Variants in MANSC4 observed in about 807,000 individuals in gnomAD.
MANSC4 encodes the protein MANSC domain-containing protein 4.
Under a neutral mutation model 11.4 loss-of-function variants are expected in MANSC4, and 11 were observed. That is an observed-to-expected ratio of 0.97 (90% CI 0.61 to 1.60). The LOEUF (loss-of-function observed/expected upper bound fraction) is 1.60, where lower values mean the gene tolerates loss of function less well. Ranked by LOEUF, MANSC4 falls within the 40% of genes most tolerant of loss-of-function variation. The pLI, the probability that MANSC4 is intolerant of heterozygous loss-of-function variation, is 0.00. For missense variants in MANSC4, 354 were observed against 404.6 expected, an observed-to-expected ratio of 0.88 and a Z score of 1.07; for synonymous variants, 123 against 147.1, an observed-to-expected ratio of 0.84 and a Z score of 1.19.
Position 27,762,750 on chromosome 12 carries a change from C to A in MANSC4, c.1011G>T (p.Glu337Asp). Residue 337 changes from glutamate to aspartate, a missense_variant, in exon 4 of 4, where the codon GAG becomes GAT. Coordinates refer to ENST00000381273, the MANE Select transcript of MANSC4 (RefSeq NM_001146221.5). ...GCTACAGTTTTTACTATGAAGAGTT[C>A]TCCTTCATATGGTTACGGTTTTTAA... ...LQIKNRNHMK[E>D]NSS The A allele has an allele frequency of 1.3e-6, 2 of 1,529,822 alleles. No individual in the cohort carries two copies. Among genetic ancestry groups the A allele is most frequent in the South Asian group, 1.2e-5 (1 of 80,366 alleles). The allele number at this position is 1,529,822 out of a possible 1,614,324, so 94.8% of individuals were successfully genotyped here.
intron 1 of MANSC4, among the ~76,000 whole-genome samples, chr12:27,774,412 GT>G (rs140569800): frequency 0.046 from 6,972 of 151,928 alleles, 517 homozygotes; most frequent in African/African-American, 0.16. Flanking sequence ...AAACTTAAAT[GT>G]TTTTTCTTTA....
intron 1 of MANSC4, among the ~76,000 whole-genome samples, chr12:27,773,404 A>G (rs1034032869): frequency 6.6e-6 from 1 of 150,928 alleles, no homozygotes; most frequent in African/African-American, 2.5e-5. Context: ...ATCCATAACA[A>G]TCTCAAAACT....
At chr12:27,763,425 T>C in intron 3 of MANSC4, 29 bp from the exon 4 acceptor site, 1 of 1,503,782 alleles carries the variant, frequency 6.6e-7, no homozygotes, top group Non-Finnish European at 8.9e-7. Context: ...ATCATTCATT[T>C]TATTTTTACT....
Position 27,771,397 on chromosome 12 carries a change from T to A in MANSC4, c.-121A>T. 2.5e-6 allele frequency: 2 copies of A among 813,132 alleles called. No homozygotes were observed. Among genetic ancestry groups the A allele is most frequent in the Non-Finnish European group, 3.8e-6 (2 of 525,428 alleles). The allele number at this position is 813,132 out of a possible 1,614,324, so 50.4% of individuals were successfully genotyped here. ...TGTTAAGGGAGAGCTTCCTTGCAGC[T>A]TTTCTGGAGAGTCACTTTCTAGCAA... On this transcript the variant is annotated 5_prime_UTR_variant, in exon 2 of 4. In the 5' UTR this introduces an upstream ATG that the reference lacks. Coordinates refer to ENST00000381273, the MANE Select transcript of MANSC4 (RefSeq NM_001146221.5).
chr12:27,766,070 G>T (rs2062070922), intron 3 of MANSC4, among the ~76,000 whole-genome samples: 1 of 142,488 alleles, frequency 7.0e-6, no homozygotes, highest in Non-Finnish European at 1.6e-5. Context: ...GCCACCACAG[G>T]ACCTTTTTTT....
chr12:27,766,577 T>C lies in MANSC4; in HGVS notation c.364+88A>G, dbSNP rs1482340332. 67 of 1,379,662 alleles carry C rather than the reference T, an allele frequency of 4.9e-5. No individual in the cohort carries two copies. The East Asian group carries it at 1.6e-3, about 33-fold the overall frequency. The allele number at this position is 1,379,662 out of a possible 1,614,324, so 85.5% of individuals were successfully genotyped here. ...AATAATTATTTTAGGGACTCACATA[T>C]GGCTATTGCCAGCCAGTTTCTCAGC... is the stretch of plus-strand genomic sequence containing the variant. On this transcript the variant is annotated intron_variant, in intron 3 of 3. Transcript: ENST00000381273.
At position 27,775,023 on chromosome 12, in the gene MANSC4, CAAAATAAATAAATAAA is replaced by C. The variant is rs1412155983; in HGVS notation, c.-306-3457_-306-3442del. Among the ~76,000 whole-genome samples the C allele has an allele frequency of 4.1e-4, 55 of 132,918 alleles. 2 individuals carry two copies. The highest frequency in any genetic ancestry group is 1.1e-3 in the African/African-American group (38 of 35,866). 87.2% of individuals were successfully genotyped at this position (132,918 alleles called of 152,430 possible). A position where few individuals can be genotyped will look rare whatever the true frequency, so the allele number is the denominator to read the frequency against. ...TGGGCGACAGAGCGAGATTCCGTCT[CAAAATAAATAAATAAA>C]TAAATAAATAAATAAATAAATAAAT... On this transcript the variant is annotated intron_variant, in intron 1 of 3. Coordinates refer to ENST00000381273, the MANE Select transcript of MANSC4 (RefSeq NM_001146221.5).
chr12:27,774,337 G>T (rs2062111488), intron 1 of MANSC4, among the ~76,000 whole-genome samples: 1 of 151,978 alleles, frequency 6.6e-6, no homozygotes, highest in Admixed American at 6.6e-5. Flanking sequence ...TTTATTTTTT[G>T]AGAGTTTCCA....
chr12:27,764,657 C>T (rs1263904877), intron 3 of MANSC4, among the ~76,000 whole-genome samples: 2 of 152,150 alleles, frequency 1.3e-5, no homozygotes, highest in East Asian at 3.8e-4. Flanking sequence ...GGTATTGAAA[C>T]CCATATCAGT....
intron 2 of MANSC4, among the ~76,000 whole-genome samples, chr12:27,769,155 C>T (rs2062088661): frequency 1.3e-5 from 2 of 152,190 alleles, no homozygotes; most frequent in African/African-American, 4.8e-5. Flanking sequence ...TAATACATTG[C>T]TAATACATTA....
intron 1 of MANSC4, among the ~76,000 whole-genome samples, chr12:27,772,152 T>C (rs2062103598): frequency 6.6e-6 from 1 of 151,994 alleles, no homozygotes; most frequent in African/African-American, 2.4e-5. Context: ...TGCCCAAACA[T>C]TTGAAAAGGC....
chr12:27,774,828 G>A (rs893691698), intron 1 of MANSC4, among the ~76,000 whole-genome samples: 4 of 151,944 alleles, frequency 2.6e-5, no homozygotes, highest in Non-Finnish European at 2.9e-5. Context: ...TCGAGACCAT[G>A]CTGGCTAACA....
chr12:27,766,590 C>T, intron 3 of MANSC4, 75 bp downstream of exon 3: 1 of 1,453,290 alleles, frequency 6.9e-7, no homozygotes, highest in Non-Finnish European at 9.2e-7. Flanking sequence ...CTATTGCCAG[C>T]CAGTTTCTCA....
At chr12:27,766,582 A>C (rs893007366) in intron 3 of MANSC4, 83 bp downstream of exon 3, 2 of 1,411,304 alleles carry the variant, frequency 1.4e-6, no homozygotes, top group Non-Finnish European at 9.5e-7. Context: ...ACATATGGCT[A>C]TTGCCAGCCA....
chr12:27,774,167 A>C (rs60492469), intron 1 of MANSC4, among the ~76,000 whole-genome samples: 7,660 of 60,450 alleles, frequency 0.13, 630 homozygotes, highest in African/African-American at 0.43. Flanking sequence ...AAAAAACAAA[A>C]CAAAAAAAAA....
chr12:27,764,590 C>T (rs539349184), intron 3 of MANSC4, among the ~76,000 whole-genome samples: 37 of 152,114 alleles, frequency 2.4e-4, no homozygotes, highest in Non-Finnish European at 4.4e-4. Context: ...TCTTCACTGC[C>T]CCCTCCCCTC....
At chr12:27,773,869 C>A (rs2062109273) in intron 1 of MANSC4, among the ~76,000 whole-genome samples, 1 of 152,092 alleles carries the variant, frequency 6.6e-6, no homozygotes, top group African/African-American at 2.4e-5. Flanking sequence ...AGGAATAGGC[C>A]AGGCATGGTG....
chr12:27,766,556 A>G, intron 3 of MANSC4, 109 bp downstream of exon 3: 2 of 1,241,332 alleles, frequency 1.6e-6, no homozygotes, highest in Non-Finnish European at 2.2e-6. Flanking sequence ...CTGGAAAATA[A>G]TTATTTTAGG....
chr12:27,776,664 C>A (rs1163985644), intron 1 of MANSC4, among the ~76,000 whole-genome samples: 1 of 151,926 alleles, frequency 6.6e-6, no homozygotes, highest in Non-Finnish European at 1.5e-5. Context: ...TGGGAGGCCT[C>A]TGGGAGGAGC....
Sources: allele counts gnomAD v4.1 joint callset (sites outside exome capture counted in the v4.1 genomes callset), GRCh38; gene constraint gnomAD v4.1.1; transcripts MANE v1.5; gene names NCBI Gene and HGNC (gene_info 2026-07-23, HGNC 2026-07-21).